The following MGAT4C variants were observed in gnomAD, a reference collection of about 807,000 sequenced individuals.
The protein encoded by MGAT4C is MGAT4 family member C, also known as alpha-1,3-mannosyl-glycoprotein 4-beta-N-acetylglucosaminyltransferase C.
MGAT4C carries 19 observed loss-of-function variants against 40.1 expected under a neutral mutation model. The ratio of observed to expected loss-of-function variants is 0.47; its 90% CI spans 0.33 to 0.70. MGAT4C has a LOEUF of 0.70. Among genes scored for constraint, MGAT4C ranks in the 30% least tolerant of loss-of-function variants. MGAT4C has a pLI of 0.02. For synonymous variants in MGAT4C, 181 were observed against 187.1 expected, an observed-to-expected ratio of 0.97 and a Z score of 0.27; for missense variants, 491 against 563.2, an observed-to-expected ratio of 0.87 and a Z score of 1.30.
intron 2 of MGAT4C, among the ~76,000 whole-genome samples, chr12:86,442,730 T>C (rs1957255168): frequency 6.7e-6 from 1 of 149,812 alleles, no homozygotes; most frequent in Non-Finnish European, 1.5e-5. Flanking sequence ...CAGTACCAAC[T>C]GGTCAGTGTT....
chr12:86,377,226 AT>A (rs1288776097), intron 3 of MGAT4C, among the ~76,000 whole-genome samples: 1 of 151,026 alleles, frequency 6.6e-6, no homozygotes, highest in Non-Finnish European at 1.5e-5. Flanking sequence ...CGCCTGGCTA[AT>A]TTTGTATTTT....
intron 2 of MGAT4C, among the ~76,000 whole-genome samples, chr12:86,516,587 G>T (rs145207089): frequency 2.0e-5 from 3 of 151,486 alleles, no homozygotes; most frequent in South Asian, 4.2e-4. Flanking sequence ...GAGACCAAAA[G>T]CACAAACAAT....
At chr12:86,791,670 C>T (rs1952024849) in intron 1 of MGAT4C, among the ~76,000 whole-genome samples, 1 of 152,126 alleles carries the variant, frequency 6.6e-6, no homozygotes, top group African/African-American at 2.4e-5. Flanking sequence ...AATTACTCTG[C>T]ATCTTTGCTT....
At chr12:86,185,614 C>A (rs1406140323) in intron 1 of MGAT4C, among the ~76,000 whole-genome samples, 1 of 152,070 alleles carries the variant, frequency 6.6e-6, no homozygotes, top group Non-Finnish European at 1.5e-5. Context: ...CACTGATGAC[C>A]AAATATCACT....
intron 3 of MGAT4C, among the ~76,000 whole-genome samples, chr12:86,376,275 C>A (rs912713859): frequency 6.7e-6 from 1 of 150,206 alleles, no homozygotes; most frequent in Non-Finnish European, 1.5e-5. Flanking sequence ...GTAGTACCAG[C>A]AGCTACCCAG....
At chr12:86,565,678 A>G (rs1960059890) in intron 2 of MGAT4C, among the ~76,000 whole-genome samples, 1 of 152,200 alleles carries the variant, frequency 6.6e-6, no homozygotes. Context: ...TTTGGGGAAG[A>G]GGGATGTGGA....
intron 3 of MGAT4C, among the ~76,000 whole-genome samples, chr12:86,379,272 A>C (rs1955886024): frequency 6.6e-6 from 1 of 152,100 alleles, no homozygotes; most frequent in South Asian, 2.1e-4. Flanking sequence ...ACTAAAATAT[A>C]GTCATAGTTG....
At chr12:86,344,717 G>GGTGTGTGTGTGTGTGTGTGT (rs71076188) in intron 3 of MGAT4C, among the ~76,000 whole-genome samples, 15 of 139,520 alleles carry the variant, frequency 1.1e-4, no homozygotes, top group African/African-American at 3.4e-4. Flanking sequence ...ATCTCTTCTC[G>GGTGTGTGTGTGTGTGTGTGT]GTGTGTGTGT....
chr12:86,235,952 T>C (rs2136028864), intron 1 of MGAT4C, among the ~76,000 whole-genome samples: 1 of 152,204 alleles, frequency 6.6e-6, no homozygotes, highest in African/African-American at 2.4e-5. Flanking sequence ...CAAGTCTACA[T>C]AACAGAAGGT....
intron 2 of MGAT4C, among the ~76,000 whole-genome samples, chr12:86,459,943 G>T (rs1433826403): frequency 6.6e-6 from 1 of 151,918 alleles, no homozygotes; most frequent in South Asian, 2.1e-4. Context: ...ATTATTCAAT[G>T]ACTTCCAATG....
chr12:86,195,901 G>T (rs188964268), intron 1 of MGAT4C, among the ~76,000 whole-genome samples: 1 of 152,118 alleles, frequency 6.6e-6, no homozygotes, highest in East Asian at 1.9e-4. Context: ...CTTTTCCCCA[G>T]TCTGCCTGTT....
chr12:86,611,806 A>G lies in MGAT4C; in HGVS notation c.-229+115403T>C, dbSNP rs1163938714. ...ATTTATGTCACAGCAGGCAACCTGTAGATTTTACCATTTAGAATGCAACTG... is the reference window on the plus strand; with the variant it reads ...ATTTATGTCACAGCAGGCAACCTGTGGATTTTACCATTTAGAATGCAACTG... On this transcript the variant is annotated intron_variant, in intron 2 of 7. Transcript: ENST00000548651. 2.0e-5 allele frequency among the ~76,000 whole-genome samples: 3 copies of G among 152,298 alleles called. No individual in the cohort carries two copies. The East Asian group carries it at 5.8e-4, about 29-fold the overall frequency.
chr12:86,588,103 A>T (rs548754173), intron 2 of MGAT4C, among the ~76,000 whole-genome samples: 91 of 151,846 alleles, frequency 6.0e-4, no homozygotes, highest in African/African-American at 2.0e-3. Flanking sequence ...GACAGCTCTT[A>T]CTATTTTGAG....
chr12:86,420,946 T>C (rs1035836323), intron 3 of MGAT4C, among the ~76,000 whole-genome samples: 5 of 151,452 alleles, frequency 3.3e-5, no homozygotes, highest in Non-Finnish European at 5.9e-5. Context: ...TGTATATATA[T>C]ACTTTTTCTG....
At chr12:86,404,341 C>A (rs1346926250) in intron 3 of MGAT4C, among the ~76,000 whole-genome samples, 2 of 152,060 alleles carry the variant, frequency 1.3e-5, no homozygotes. Flanking sequence ...TAGTCGTAGA[C>A]CTGGTACATG....
intron 2 of MGAT4C, among the ~76,000 whole-genome samples, chr12:86,024,422 T>C (rs1390096026): frequency 6.6e-6 from 1 of 151,846 alleles, no homozygotes; most frequent in Admixed American, 6.6e-5. Context: ...TGGAAGGGAC[T>C]AGTTCTAAAG....
At chr12:86,829,030 G>A (rs556017456) in intron 1 of MGAT4C, among the ~76,000 whole-genome samples, 3 of 151,598 alleles carry the variant, frequency 2.0e-5, no homozygotes, top group Admixed American at 6.6e-5. Context: ...AAAGGAAGGT[G>A]CATTATATAC....
At chr12:86,507,424 T>C (rs1351148812) in intron 2 of MGAT4C, among the ~76,000 whole-genome samples, 1 of 152,198 alleles carries the variant, frequency 6.6e-6, no homozygotes, top group Non-Finnish European at 1.5e-5. Context: ...TTTGAATATC[T>C]GACTTGCTTT....
intron 1 of MGAT4C, among the ~76,000 whole-genome samples, chr12:86,813,593 T>C (rs553561828): frequency 6.6e-6 from 1 of 152,092 alleles, no homozygotes; most frequent in Admixed American, 6.6e-5. Flanking sequence ...AATATGACAA[T>C]ATTTTTTATA....
Sources: allele counts gnomAD v4.1 joint callset (sites outside exome capture counted in the v4.1 genomes callset), GRCh38; gene constraint gnomAD v4.1.1; transcripts MANE v1.5; gene names NCBI Gene and HGNC (gene_info 2026-07-23, HGNC 2026-07-21).